HHATL: variants seen among roughly 807,000 people sequenced by gnomAD.
The protein encoded by HHATL is protein-cysteine N-palmitoyltransferase HHAT-like protein.
A neutral mutation model predicts 59.7 loss-of-function variants in HHATL; 49 were observed. The ratio of observed to expected loss-of-function variants is 0.82; its 90% CI spans 0.65 to 1.04. The LOEUF is 1.04. Ranked by LOEUF, HHATL falls within the 50% of genes least tolerant of loss-of-function variation. HHATL has a pLI of 0.00. For missense variants in HHATL, 605 were observed against 650.8 expected, an observed-to-expected ratio of 0.93 and a Z score of 0.77; for synonymous variants, 238 against 257.3, an observed-to-expected ratio of 0.93 and a Z score of 0.72.
chr3:42,695,859 C>T (rs1290576271), intron 9 of HHATL, among the ~76,000 whole-genome samples: 2 of 152,164 alleles, frequency 1.3e-5, no homozygotes, highest in Non-Finnish European at 2.9e-5. Flanking sequence ...GGACCTCACT[C>T]CATCAATCAC....
At chr3:42,699,380 G>T (rs1697831038) in intron 3 of HHATL, among the ~76,000 whole-genome samples, 1 of 152,168 alleles carries the variant, frequency 6.6e-6, no homozygotes, top group Non-Finnish European at 1.5e-5. Flanking sequence ...ACACTCCTCT[G>T]TGAAGGAAGT....
Position 42,693,718 on chromosome 3 carries a change from A to G in HHATL, c.1147T>C (p.Cys383Arg). The stretch of plus-strand genomic sequence containing the variant: ...AATGACCACAGGTAGACAATGTCAC[A>G]AGGCCCAAGCCACAGTGTGGTGATG... ...FAITTLWLGP[C>R]DIVYLWSFLN... Residue 383 changes from cysteine (C) to arginine (R), a missense_variant, in exon 10 of 12, where the codon TGT becomes CGT. Physicochemically the swap from Cys to Arg is radical, Grantham distance 180. Transcript: ENST00000441594. The G allele has an allele frequency of 6.2e-7, 1 of 1,614,202 alleles. No individual in the cohort carries two copies. Among genetic ancestry groups the G allele is most frequent in the Non-Finnish European group, 8.5e-7 (1 of 1,180,022 alleles).
Position 42,693,168 on chromosome 3 carries a change from G to T in HHATL, c.1299C>A (p.Ala433=). 6.2e-7 allele frequency: 1 copy of T among 1,614,166 alleles called. No homozygotes were observed. The highest frequency in any genetic ancestry group is 1.1e-5 in the South Asian group (1 of 91,080). The change falls in exon 11 of 12, where the codon GCC becomes GCA. Residue 433 remains alanine, a synonymous_variant. Transcript: ENST00000441594. ...MSRRVRALFG[A]MNFWAIIMYN... ...ACATGATGATGGCCCAGAAGTTCAT[G>T]GCTCCAAACAGGGCCCGGACCCTAC...
At chr3:42,694,030 C>T in intron 9 of HHATL, 1 of 587,954 alleles carries the variant, frequency 1.7e-6, no homozygotes, top group Non-Finnish European at 3.0e-6. Flanking sequence ...TGTTCGTTTA[C>T]TTCCCAAATG....
intron 10 of HHATL, 162 bp downstream of exon 10, chr3:42,693,455 G>A (rs1300739564): frequency 9.1e-6 from 7 of 766,596 alleles, no homozygotes; most frequent in East Asian, 5.4e-5. Flanking sequence ...AGGGAGGGAG[G>A]GGCAGATTCC....
chr3:42,697,290 C>A, intron 7 of HHATL, 145 bp from the exon 8 acceptor site: 1 of 1,171,806 alleles, frequency 8.5e-7, no homozygotes, highest in Non-Finnish European at 1.2e-6. Flanking sequence ...TCAGTCATGC[C>A]TGGTGAAGTG....
intron 2 of HHATL, among the ~76,000 whole-genome samples, chr3:42,700,207 T>A (rs1697885639): frequency 6.8e-6 from 1 of 147,092 alleles, no homozygotes; most frequent in Non-Finnish European, 1.5e-5. Flanking sequence ...TGTGTGTGTA[T>A]ATGTCTGTGT....
At chr3:42,699,471 G>A (rs1334924944) in intron 3 of HHATL, among the ~76,000 whole-genome samples, 3 of 152,028 alleles carry the variant, frequency 2.0e-5, no homozygotes, top group African/African-American at 4.8e-5. Context: ...TCCTCCGCAC[G>A]TTGCCTGCCA....
At position 42,698,764 on chromosome 3, in the gene HHATL, C is replaced by T. The variant is rs1183723004; in HGVS notation, c.427G>A (p.Gly143Ser). The T allele has an allele frequency of 6.2e-7, 1 of 1,608,600 alleles. No individual in the cohort carries two copies. The highest frequency in any genetic ancestry group is 1.7e-5 in the Admixed American group (1 of 58,630). The change falls in exon 5 of 12, where the codon GGC becomes AGC. Residue 143 changes from glycine (G) to serine (S), a missense_variant. Coordinates refer to ENST00000441594, the MANE Select transcript of HHATL (RefSeq NM_020707.4). Reference sequence around the variant, plus strand: ...GAGGCCAGGCTGGCCAAGCCAAGGCCAAGACAGAGCCAGGGCTGGCCCAAA... The same window carrying T: ...GAGGCCAGGCTGGCCAAGCCAAGGCTAAGACAGAGCCAGGGCTGGCCCAAA... ...SLLGQPWLCL[G>S]LGLASLASFK...
At chr3:42,693,581 C>T (rs759548620) in intron 10 of HHATL, 36 bp downstream of exon 10, 1 of 1,586,748 alleles carries the variant, frequency 6.3e-7, no homozygotes, top group Non-Finnish European at 8.6e-7. Context: ...CCCTCTATGA[C>T]CCAGCCAGTC....
At chr3:42,694,943 A>G (rs9842979) in intron 9 of HHATL, among the ~76,000 whole-genome samples, 2,920 of 152,250 alleles carry the variant, frequency 0.019, 86 homozygotes, top group African/African-American at 0.067. Flanking sequence ...GTTTCTCCCC[A>G]CTAGACTGTA....
In HHATL at chr3:42,700,983, G is replaced by A. The variant is rs1454596577; in HGVS notation, c.-13-144C>T. The A allele has an allele frequency of 5.7e-5, 35 of 610,202 alleles. No individual in the cohort carries two copies. In the South Asian group the frequency reaches 6.7e-4, roughly 12 times the overall value. 37.8% of individuals were successfully genotyped at this position (610,202 alleles called of 1,614,324 possible). On this transcript the variant is annotated intron_variant, in intron 1 of 11. Transcript: ENST00000441594. ...GGGACCTTGTACCATCACTCTGCCT[G>A]CCCCTGTGCCCCCCACAGTTCACAG...
At chr3:42,697,467 G>C (rs758221691) in intron 7 of HHATL, 41 bp downstream of exon 7, 1 of 1,585,014 alleles carries the variant, frequency 6.3e-7, no homozygotes, top group African/African-American at 1.3e-5. Flanking sequence ...CTGTTTTCCT[G>C]GGGCGGCAGC....
rs1559624856 is a variant in HHATL at position 42,699,112 on chromosome 3, T to C, written c.208A>G (p.Thr70Ala). The change falls in exon 4 of 12, where the codon ACC becomes GCC. Residue 70 changes from threonine (T) to alanine (A), a missense_variant. By Grantham distance (58) the Thr-to-Ala change is moderately conservative (BLOSUM62 0). Coordinates refer to ENST00000441594, the MANE Select transcript of HHATL (RefSeq NM_020707.4). ...AAGATGATGACGTTGCGAAAGGAGG[T>C]GAACCACATCACCCACTCGAAGTCA... ...VADFEWVMWF[T>A]SFRNVIIFAL... is the part of the protein sequence containing the mutation. 1 of 1,613,462 alleles carries C rather than the reference T, an allele frequency of 6.2e-7. No individual in the cohort carries two copies. Among genetic ancestry groups the C allele is most frequent in the East Asian group, 2.2e-5 (1 of 44,840 alleles).
At chr3:42,697,717 C>T in intron 6 of HHATL, 38 bp from the exon 7 acceptor site, 2 of 1,594,872 alleles carry the variant, frequency 1.3e-6, no homozygotes, top group South Asian at 1.1e-5. Context: ...AGAGGCAAGC[C>T]CTGCCTGGGG....
At chr3:42,699,245 C>T in intron 3 of HHATL, 100 bp from the exon 4 acceptor site, 3 of 629,406 alleles carry the variant, frequency 4.8e-6, no homozygotes, top group South Asian at 4.7e-5. Flanking sequence ...GCACCTTTCC[C>T]AGCCTTCATG....
chr3:42,700,896 T>C (rs1180225890), intron 1 of HHATL, 57 bp from the exon 2 acceptor site: 3 of 1,231,484 alleles, frequency 2.4e-6, no homozygotes, highest in African/African-American at 3.0e-5. Context: ...TAGCCCCACC[T>C]CATGGTCCCA....
In HHATL at chr3:42,692,791, AG is replaced by A; in HGVS notation, c.1474del (p.Leu492TrpfsTer?). The A allele has an allele frequency of 6.2e-7, 1 of 1,614,190 alleles. No individual in the cohort carries two copies. The highest frequency in any genetic ancestry group is 2.2e-5 in the East Asian group (1 of 44,872). On this transcript the variant is annotated frameshift_variant, in exon 12 of 12. Transcript: ENST00000441594. LOFTEE classifies it high-confidence loss of function. ...LVKERERTLALEEEQKQDKEK... is the reference protein window; with the variant it reads ...LVKERERTLAXEEEQKQDKEK... ...TTTGTCCTGCTTCTGCTCCTCCTCC[AG>A]TGCCAAGGTTCGCTCACGCTCCTTT... is the stretch of plus-strand genomic sequence containing the variant.
Position 42,694,022 on chromosome 3 carries a change from T to C in HHATL, c.1047-204A>G, listed in dbSNP as rs552801789. 3.2e-5 allele frequency: 19 copies of C among 591,546 alleles called. No homozygotes were observed. The Admixed American group carries it at 4.7e-4, about 15-fold the overall frequency. The allele number at this position is 591,546 out of a possible 1,614,324, so 36.6% of individuals were successfully genotyped here. A position where few individuals can be genotyped will look rare whatever the true frequency, so the allele number is the denominator to read the frequency against. ...GGACATTATAGCTTCTCTATCTCTG[T>C]TCGTTTACTTCCCAAATGATCTCAT... On this transcript the variant is annotated intron_variant, in intron 9 of 11. Transcript: ENST00000441594.
Sources: allele counts gnomAD v4.1 joint callset (sites outside exome capture counted in the v4.1 genomes callset), GRCh38; gene constraint gnomAD v4.1.1; transcripts MANE v1.5; gene names NCBI Gene and HGNC (gene_info 2026-07-23, HGNC 2026-07-21).